The following SNAPC3 variants were observed in gnomAD, a reference collection of about 807,000 sequenced individuals.
The protein encoded by SNAPC3 is snRNA-activating protein complex subunit 3.
A neutral mutation model predicts 47.7 loss-of-function variants in SNAPC3; 56 were observed. That is an observed-to-expected ratio of 1.18 (90% confidence interval 0.95 to 1.47). SNAPC3 has a LOEUF of 1.47. Among genes scored for constraint, SNAPC3 ranks in the 40% most tolerant of loss-of-function variants. The pLI is 0.00. For synonymous variants in SNAPC3, 235 were observed against 189.9 expected, an observed-to-expected ratio of 1.24 and a Z score of -1.95; for missense variants, 665 against 511.3, an observed-to-expected ratio of 1.30 and a Z score of -2.90.
In SNAPC3 at chr9:15,422,907, A is replaced by C. The variant is rs769563858; in HGVS notation, c.28A>C (p.Thr10Pro). 5.9e-6 allele frequency: 9 copies of C among 1,535,478 alleles called. No individual in the cohort carries two copies. In the South Asian group the frequency reaches 6.0e-5, roughly 10 times the overall value. Reference protein sequence around the residue: MAEGSRGGPTCSGVGGRQDP... With the variant: MAEGSRGGPPCSGVGGRQDP... ...GGCTGAAGGAAGCCGAGGTGGCCCT[A>C]CGTGTAGCGGGGTGGGTGGCAGGCA... Residue 10 changes from threonine (T) to proline (P), a missense_variant, in exon 1 of 9, where the codon ACG (threonine) becomes CCG (proline). Coordinates refer to ENST00000380821, the MANE Select transcript of SNAPC3 (RefSeq NM_001039697.2).
chr9:15,444,662 C>T lies in SNAPC3; in HGVS notation c.538C>T (p.Leu180Phe), dbSNP rs759721239. 1.2e-6 allele frequency: 2 copies of T among 1,611,846 alleles called. No individual in the cohort carries two copies. The highest frequency in any genetic ancestry group is 4.5e-5 in the East Asian group (2 of 44,854). ...AGCAGACATGATTGAAGAAGGGGAG[C>T]TTATCCTATCTGTGAATATCTTGTA... ...NSADMIEEGE[L>F]ILSVNILYPV... The change falls in exon 4 of 9, where the codon CTT (leucine) becomes TTT (phenylalanine). Residue 180 changes from leucine to phenylalanine, a missense_variant. Transcript: ENST00000380821.
chr9:15,452,865 A>G (rs923849617), intron 6 of SNAPC3, among the ~76,000 whole-genome samples, 176 bp from the exon 7 acceptor site: 14 of 152,222 alleles, frequency 9.2e-5, no homozygotes, highest in African/African-American at 3.4e-4. Flanking sequence ...CCTTATGAAA[A>G]TTCAGCGTTC....
intron 3 of SNAPC3, 21 bp from the exon 4 acceptor site, chr9:15,444,581 T>A: frequency 7.0e-7 from 1 of 1,429,978 alleles, no homozygotes; most frequent in African/African-American, 1.4e-5. Flanking sequence ...CTGATTTCAG[T>A]GTCTCTTTTT....
chr9:15,433,701 G>T, intron 3 of SNAPC3, 65 bp downstream of exon 3: 2 of 1,002,588 alleles, frequency 2.0e-6, no homozygotes, highest in Non-Finnish European at 1.6e-6. Context: ...TTGGCTGAGG[G>T]TTAGTAATGA....
intron 3 of SNAPC3, 74 bp from the exon 4 acceptor site, chr9:15,444,528 G>A: frequency 1.1e-6 from 1 of 905,824 alleles, no homozygotes; most frequent in Non-Finnish European, 1.8e-6. Context: ...ATCCCTTGCT[G>A]ATAGCCATTG....
chr9:15,456,340 A>G (rs1189123598), intron 7 of SNAPC3, among the ~76,000 whole-genome samples: 2 of 152,102 alleles, frequency 1.3e-5, no homozygotes, highest in East Asian at 1.9e-4. Context: ...GTGTAGGCCT[A>G]TTTCTATAAA....
chr9:15,437,308 C>A (rs2032915954), intron 3 of SNAPC3, among the ~76,000 whole-genome samples: 1 of 151,874 alleles, frequency 6.6e-6, no homozygotes, highest in Non-Finnish European at 1.5e-5. Flanking sequence ...TCTTGGCTCA[C>A]TGCAACTTCC....
chr9:15,423,591 C>T (rs1347391934), intron 1 of SNAPC3, among the ~76,000 whole-genome samples: 1 of 152,096 alleles, frequency 6.6e-6, no homozygotes, highest in Non-Finnish European at 1.5e-5. Context: ...GTTAAAACCC[C>T]GACTAACTGG....
rs2032759100 is a variant in SNAPC3 at position 15,435,940 on chromosome 9, T to TTTC, written c.477+2305_477+2306insTCT. ...CTCACTGCAACCTCCATCTCCCAGG[T>TTTC]TCAAGTGATGCTTCTGCATCTGCCT... is the stretch of plus-strand genomic sequence containing the variant. On this transcript the variant is annotated intron_variant, in intron 3 of 8. Coordinates refer to ENST00000380821, the MANE Select transcript of SNAPC3 (RefSeq NM_001039697.2). Among the ~76,000 whole-genome samples, 4 of 147,324 alleles carry TTTC rather than the reference T, an allele frequency of 2.7e-5. No individual in the cohort carries two copies. In the Admixed American group the frequency reaches 2.8e-4, roughly 10 times the overall value.
chr9:15,438,715 AATG>A (rs1388369125), intron 3 of SNAPC3, among the ~76,000 whole-genome samples: 1 of 152,126 alleles, frequency 6.6e-6, no homozygotes, highest in African/African-American at 2.4e-5. Context: ...ATATTCACTT[AATG>A]ATCAGAAGAG....
chr9:15,439,021 GT>G (rs2033082238), intron 3 of SNAPC3, among the ~76,000 whole-genome samples: 1 of 152,096 alleles, frequency 6.6e-6, no homozygotes, highest in Non-Finnish European at 1.5e-5. Flanking sequence ...TTTTACTTAT[GT>G]TTTTTGAGAT....
At chr9:15,425,558 T>C (rs934666157) in intron 2 of SNAPC3, among the ~76,000 whole-genome samples, 1 of 152,156 alleles carries the variant, frequency 6.6e-6, no homozygotes, top group Non-Finnish European at 1.5e-5. Flanking sequence ...CTTTCCAGAT[T>C]ACCACAACCC....
In SNAPC3 at chr9:15,459,974, C is replaced by G; in HGVS notation, c.*108C>G. 5.7e-6 allele frequency: 5 copies of G among 876,638 alleles called. No homozygotes were observed. The highest frequency in any genetic ancestry group is 8.3e-6 in the Non-Finnish European group (5 of 601,310). 54.3% of individuals were successfully genotyped at this position (876,638 alleles called of 1,614,324 possible). The stretch of plus-strand genomic sequence containing the variant: ...AGGAACAGGATCCACTTTGAACAGT[C>G]CGCTAAAGCTATCAAAAAAAAGTCC... On this transcript the variant is annotated 3_prime_UTR_variant, in exon 9 of 9. Coordinates refer to ENST00000380821, the MANE Select transcript of SNAPC3 (RefSeq NM_001039697.2).
rs1471439568 is a variant in SNAPC3, at chr9:15,459,877, A to T, written c.*11A>T. 6.2e-7 allele frequency: 1 copy of T among 1,600,956 alleles called. No homozygotes were observed. Among genetic ancestry groups the T allele is most frequent in the East Asian group, 2.2e-5 (1 of 44,732 alleles). ...GGAACCTTTAATTAAGAATAGCTAC[A>T]CTCACAAAAATACCCCCTCATGAAA... On this transcript the variant is annotated 3_prime_UTR_variant, in exon 9 of 9. Coordinates refer to ENST00000380821, the MANE Select transcript of SNAPC3 (RefSeq NM_001039697.2).
intron 3 of SNAPC3, 139 bp from the exon 4 acceptor site, chr9:15,444,463 C>G (rs570680133): frequency 1.7e-6 from 1 of 586,836 alleles, no homozygotes; most frequent in South Asian, 2.0e-5. Flanking sequence ...TTAGAGATGT[C>G]TTAACAGTTT....
chr9:15,452,650 C>A (rs1438231297), intron 6 of SNAPC3, among the ~76,000 whole-genome samples: 1 of 152,152 alleles, frequency 6.6e-6, no homozygotes, highest in African/African-American at 2.4e-5. Flanking sequence ...TAATTGAAGA[C>A]CCCAATGAGC....
intron 2 of SNAPC3, among the ~76,000 whole-genome samples, chr9:15,425,106 A>G (rs907294572): frequency 6.6e-6 from 1 of 152,200 alleles, no homozygotes; most frequent in Admixed American, 6.5e-5. Flanking sequence ...AGCCTTCCAC[A>G]TATATCCCAA....
Position 15,460,073 on chromosome 9 carries a change from A to G in SNAPC3, c.*207A>G, listed in dbSNP as rs2035090622. On this transcript the variant is annotated 3_prime_UTR_variant, in exon 9 of 9. Coordinates refer to ENST00000380821, the MANE Select transcript of SNAPC3 (RefSeq NM_001039697.2). The stretch of plus-strand genomic sequence containing the variant: ...GTTTAATTTTATATTTATTCCAGAT[A>G]GTATTTAATTTAGTGCTTTTTACCC... 7.7e-6 allele frequency: 3 copies of G among 390,814 alleles called. No individual in the cohort carries two copies. Among genetic ancestry groups the G allele is most frequent in the Non-Finnish European group, 1.3e-5 (3 of 223,340 alleles). The allele number at this position is 390,814 out of a possible 1,614,324, so 24.2% of individuals were successfully genotyped here. A position where few individuals can be genotyped will look rare whatever the true frequency, so the allele number is the denominator to read the frequency against.
intron 5 of SNAPC3, among the ~76,000 whole-genome samples, chr9:15,450,822 T>A (rs1587363697): frequency 6.6e-6 from 1 of 152,202 alleles, no homozygotes; most frequent in East Asian, 1.9e-4. Flanking sequence ...TAAGAACCCT[T>A]GAAGGTTCCA....
Sources: gnomAD v4.1 joint callset for allele counts (sites outside exome capture counted in the v4.1 genomes callset) on GRCh38, gnomAD v4.1.1 for gene constraint, MANE v1.5 for transcripts, NCBI Gene and HGNC (gene_info 2026-07-23, HGNC 2026-07-21) for gene names.